Variants in ACSL1 observed in about 807,000 individuals in gnomAD.
ACSL1 encodes acyl-CoA synthetase long chain family member 1.
A neutral mutation model predicts 98.4 loss-of-function variants in ACSL1; 41 were observed. That is an observed-to-expected ratio of 0.42 (90% CI 0.32 to 0.54). The LOEUF is 0.54. Among genes scored for constraint, ACSL1 ranks in the 20% least tolerant of loss-of-function variants. The pLI is 0.13. For synonymous variants in ACSL1, 316 were observed against 322.7 expected (o/e 0.98, Z 0.22); for missense variants, 734 against 883.1 (o/e 0.83, Z 2.14).
intron 1 of ACSL1, chr4:184,815,118 G>A (rs1237180184): frequency 4.4e-6 from 2 of 456,198 alleles, no homozygotes; most frequent in East Asian, 1.4e-4. Flanking sequence ...TGGTGCTCCA[G>A]GAATCTAGGG....
upstream of ACSL1, chr4:184,826,469 T>G (rs1241319861): frequency 6.6e-6 from 1 of 151,968 alleles, no homozygotes; most frequent in African/African-American, 2.4e-5. Flanking sequence ...CGTTTTTCCT[T>G]GACACTGACG....
At chr4:184,806,801 G>T (rs773841392) in intron 1 of ACSL1, among the ~76,000 whole-genome samples, 7 of 152,184 alleles carry the variant, frequency 4.6e-5, no homozygotes, top group Non-Finnish European at 8.8e-5. Flanking sequence ...TATTTAGTGG[G>T]TGATAATGAC....
chr4:184,787,071 T>G (rs1469978806), intron 3 of ACSL1, among the ~76,000 whole-genome samples: 3 of 152,198 alleles, frequency 2.0e-5, no homozygotes, highest in Admixed American at 1.3e-4. Flanking sequence ...TTCCTGACCG[T>G]AAAAAGATTA....
At chr4:184,758,059 C>T in intron 18 of ACSL1, 139 bp from the exon 19 acceptor site, 2 of 765,266 alleles carry the variant, frequency 2.6e-6, no homozygotes, top group Non-Finnish European at 4.2e-6. Context: ...TACTACCCCC[C>T]TCCCCCAGGA....
intron 12 of ACSL1, 110 bp downstream of exon 12, chr4:184,768,206 G>T: frequency 1.7e-6 from 2 of 1,164,668 alleles, no homozygotes; most frequent in Non-Finnish European, 2.4e-6. Context: ...TGTAAGATTG[G>T]GAGGATTGTC....
At chr4:184,804,201 T>C (rs942233206) in intron 1 of ACSL1, among the ~76,000 whole-genome samples, 3 of 152,178 alleles carry the variant, frequency 2.0e-5, no homozygotes, top group Non-Finnish European at 2.9e-5. Flanking sequence ...GATAAATTGG[T>C]GTGCATAAAC....
chr4:184,789,883 CTTTT>C (rs11309893), intron 2 of ACSL1, among the ~76,000 whole-genome samples: 1 of 146,722 alleles, frequency 6.8e-6, no homozygotes, highest in African/African-American at 2.5e-5. Flanking sequence ...TAGAGCCTAC[CTTTT>C]TTTTTTTTTT....
intron 15 of ACSL1, among the ~76,000 whole-genome samples, chr4:184,764,192 G>A (rs1158872794): frequency 1.3e-5 from 2 of 152,204 alleles, no homozygotes; most frequent in South Asian, 2.1e-4. Context: ...TGGCTCCAAA[G>A]CATAATGCCG....
At chr4:184,768,837 A>G (rs1332440160) in intron 11 of ACSL1, among the ~76,000 whole-genome samples, 1 of 152,130 alleles carries the variant, frequency 6.6e-6, no homozygotes, top group Non-Finnish European at 1.5e-5. Context: ...TGGGAGGCCG[A>G]GGCAGGTGGA....
chr4:184,776,333 GA>G, intron 7 of ACSL1, 150 bp downstream of exon 7: 1 of 748,258 alleles, frequency 1.3e-6, no homozygotes, highest in Non-Finnish European at 2.1e-6. Flanking sequence ...CCAGCAATGA[GA>G]CAGAAGTTTC....
intron 3 of ACSL1, among the ~76,000 whole-genome samples, chr4:184,787,549 A>T (rs1767599253): frequency 6.6e-6 from 1 of 152,176 alleles, no homozygotes. Context: ...TGGGGGTAGA[A>T]AGAGGCTTTA....
At chr4:184,794,358 C>T (rs1303291879) in intron 2 of ACSL1, among the ~76,000 whole-genome samples, 19 of 152,180 alleles carry the variant, frequency 1.2e-4, no homozygotes, top group Admixed American at 1.2e-3. Context: ...TTCTAAATGA[C>T]AATGGACAGA....
intron 17 of ACSL1, among the ~76,000 whole-genome samples, chr4:184,761,343 G>C (rs970388129): frequency 9.9e-5 from 15 of 152,062 alleles, no homozygotes; most frequent in African/African-American, 3.4e-4. Context: ...AATTTTGGGA[G>C]GTATTTTTCT....
chr4:184,809,864 A>G (rs1771871156), intron 1 of ACSL1, among the ~76,000 whole-genome samples: 1 of 152,230 alleles, frequency 6.6e-6, no homozygotes. Flanking sequence ...TTCTTTGAAT[A>G]TGCATCTTCA....
Position 184,766,622 on chromosome 4 carries a change from C to T in ACSL1, c.1263G>A (p.Gln421=). Residue 421 remains glutamine, a splice_region_variant and synonymous_variant, in exon 13 of 21, where the codon CAG becomes CAA. Transcript: ENST00000281455. The surrounding 1 kb of genome is among the most constrained non-coding windows in gnomAD (Gnocchi z 4.8). ...LWDRLIFHKV[Q]SSLGGRVRLM... ...GCAGTGGCTGTGAGTCACGTGTTACCTGTACTTTGTGGAAGATCAGCCGGT... is the reference window on the plus strand; with the variant it reads ...GCAGTGGCTGTGAGTCACGTGTTACTTGTACTTTGTGGAAGATCAGCCGGT... 6.2e-7 allele frequency: 1 copy of T among 1,613,902 alleles called. No individual in the cohort carries two copies.
intron 2 of ACSL1, among the ~76,000 whole-genome samples, chr4:184,801,507 A>AATC (rs901463797): frequency 3.0e-4 from 46 of 152,320 alleles, no homozygotes; most frequent in African/African-American, 1.1e-3. Context: ...TTATGAAGTG[A>AATC]ATCAAGTTCC....
chr4:184,804,846 T>C (rs1053219042), intron 1 of ACSL1, among the ~76,000 whole-genome samples: 1 of 152,224 alleles, frequency 6.6e-6, no homozygotes, highest in African/African-American at 2.4e-5. Context: ...ACCAACGCTC[T>C]GTGATTCATC....
intron 2 of ACSL1, among the ~76,000 whole-genome samples, chr4:184,796,929 G>A (rs538869808): frequency 7.2e-5 from 11 of 152,182 alleles, no homozygotes; most frequent in African/African-American, 1.4e-4. Context: ...CCTCCCACCT[G>A]GTTCAAAATC....
intron 10 of ACSL1, 144 bp from the exon 11 acceptor site, chr4:184,770,620 T>C: frequency 1.5e-6 from 1 of 647,222 alleles, no homozygotes; most frequent in South Asian, 1.8e-5. Context: ...GACAAGTTTA[T>C]GGGTGCAGCA....
Sources: allele counts gnomAD v4.1 joint callset (sites outside exome capture counted in the v4.1 genomes callset), GRCh38; gene constraint gnomAD v4.1.1; non-coding constraint Gnocchi (gnomAD v3.1); transcripts MANE v1.5; gene names NCBI Gene and HGNC (gene_info 2026-07-23, HGNC 2026-07-21).